The following TMEM39A variants were observed in gnomAD, a reference collection of about 807,000 sequenced individuals.
The protein encoded by TMEM39A is transmembrane protein 39A.
TMEM39A carries 19 observed loss-of-function variants against 51.9 expected under a neutral mutation model. That is an observed-to-expected ratio of 0.37 (90% CI 0.26 to 0.54). The LOEUF is 0.54. Ranked by LOEUF, TMEM39A falls within the 20% of genes least tolerant of loss-of-function variation. TMEM39A has a pLI of 0.88. For synonymous variants in TMEM39A, 197 were observed against 220.2 expected (o/e 0.89, Z 0.93); for missense variants, 433 against 590.5 (o/e 0.73, Z 2.76).
At chr3:119,445,564 G>A (rs927536235) in intron 5 of TMEM39A, among the ~76,000 whole-genome samples, 4 of 152,096 alleles carry the variant, frequency 2.6e-5, no homozygotes, top group African/African-American at 7.2e-5. Context: ...CGCGCCCGGC[G>A]GGAATTTTAT....
At chr3:119,455,856 A>G (rs2081256963) in intron 3 of TMEM39A, among the ~76,000 whole-genome samples, 2 of 152,248 alleles carry the variant, frequency 1.3e-5, no homozygotes, top group Admixed American at 1.3e-4. Flanking sequence ...GAACTACCCA[A>G]GAAGCACTTA....
chr3:119,445,388 C>A (rs1215331676), intron 5 of TMEM39A, among the ~76,000 whole-genome samples: 1 of 152,148 alleles, frequency 6.6e-6, no homozygotes, highest in East Asian at 1.9e-4. Context: ...CCTCAGCCTC[C>A]CGAGTAACTG....
intron 2 of TMEM39A, among the ~76,000 whole-genome samples, chr3:119,460,884 T>C (rs915005830): frequency 6.6e-6 from 1 of 152,248 alleles, no homozygotes; most frequent in Non-Finnish European, 1.5e-5. Context: ...ACAACTTTTA[T>C]CTCAATACCT....
chr3:119,433,100 A>G, intron 8 of TMEM39A, among the ~76,000 whole-genome samples: 1 of 152,196 alleles, frequency 6.6e-6, no homozygotes, highest in South Asian at 2.1e-4. Context: ...AGAGTGCAGT[A>G]ACAGCAGTGA....
rs191557137 is a variant in TMEM39A at position 119,451,963 on chromosome 3, T to C, written c.420+484A>G. ...TCTGCTCACTAAACTTAGATTCTAA[T>C]CTTCAGATTAATCCTATACGAATTC... is the stretch of plus-strand genomic sequence containing the variant. On this transcript the variant is annotated intron_variant, in intron 4 of 8. Coordinates refer to ENST00000319172, the MANE Select transcript of TMEM39A (RefSeq NM_018266.3). Among the ~76,000 whole-genome samples, 284 of 152,220 alleles carry C rather than the reference T, an allele frequency of 1.9e-3. 1 individual carries two copies. Among genetic ancestry groups the C allele is most frequent in the South Asian group, 3.5e-3 (17 of 4,826 alleles).
intron 3 of TMEM39A, 23 bp from the exon 4 acceptor site, chr3:119,452,553 C>T (rs374406921): frequency 7.6e-6 from 12 of 1,586,928 alleles, no homozygotes; most frequent in Non-Finnish European, 4.3e-6. Flanking sequence ...TAAATAACTA[C>T]ATCAGAAAGA....
At chr3:119,462,999 A>G (rs2081360123) in intron 1 of TMEM39A, among the ~76,000 whole-genome samples, 1 of 152,150 alleles carries the variant, frequency 6.6e-6, no homozygotes, top group African/African-American at 2.4e-5. Context: ...CAAGGATGAC[A>G]CTGGAAAAAA....
chr3:119,436,002 A>AC (rs1160309641), intron 7 of TMEM39A: 1 of 1,170,128 alleles, frequency 8.5e-7, no homozygotes, highest in Non-Finnish European at 1.1e-6. Flanking sequence ...AGGGAAGGTC[A>AC]CCTCAATCTG....
intron 5 of TMEM39A, among the ~76,000 whole-genome samples, chr3:119,438,890 T>C (rs965661666): frequency 8.5e-5 from 13 of 152,172 alleles, no homozygotes; most frequent in African/African-American, 2.9e-4. Flanking sequence ...ATTTTTAACT[T>C]TGGGGGTAGT....
At chr3:119,458,285 G>T in intron 2 of TMEM39A, 45 bp from the exon 3 acceptor site, 2 of 1,545,312 alleles carry the variant, frequency 1.3e-6, no homozygotes. Context: ...ATAACCTCCA[G>T]TATCACAGAA....
intron 3 of TMEM39A, among the ~76,000 whole-genome samples, chr3:119,452,809 T>C (rs1483278232): frequency 6.6e-6 from 1 of 152,228 alleles, no homozygotes; most frequent in Non-Finnish European, 1.5e-5. Flanking sequence ...GATTGCAGCT[T>C]TGAGTTAACA....
intron 3 of TMEM39A, 72 bp from the exon 4 acceptor site, chr3:119,452,602 G>T: frequency 8.2e-7 from 1 of 1,213,328 alleles, no homozygotes; most frequent in Non-Finnish European, 1.2e-6. Context: ...TACAAGAATA[G>T]AGGTTTATCC....
chr3:119,451,347 T>A, intron 4 of TMEM39A: 1 of 1,201,492 alleles, frequency 8.3e-7, no homozygotes, highest in Non-Finnish European at 1.1e-6. Flanking sequence ...AAAAAGAAGT[T>A]GACTCTCAAT....
chr3:119,456,386 G>A (rs1275268371), intron 3 of TMEM39A, among the ~76,000 whole-genome samples: 2 of 152,134 alleles, frequency 1.3e-5, no homozygotes, highest in African/African-American at 4.8e-5. Flanking sequence ...TAGACAGGAG[G>A]TCAATATAGC....
At chr3:119,436,591 C>T (rs891152531) in intron 7 of TMEM39A, 200 bp downstream of exon 7, 13 of 522,058 alleles carry the variant, frequency 2.5e-5, no homozygotes, top group Admixed American at 6.5e-5. Flanking sequence ...AAAGGTAGAA[C>T]GCATTTAAGG....
chr3:119,461,102 C>T (rs1314777907), intron 2 of TMEM39A, among the ~76,000 whole-genome samples: 1 of 152,022 alleles, frequency 6.6e-6, no homozygotes, highest in African/African-American at 2.4e-5. Flanking sequence ...CAACGAACGG[C>T]AGAGTAAAAA....
At chr3:119,450,985 G>T (rs1239206416) in intron 4 of TMEM39A, among the ~76,000 whole-genome samples, 1 of 151,974 alleles carries the variant, frequency 6.6e-6, no homozygotes, top group South Asian at 2.1e-4. Flanking sequence ...CATACTAATT[G>T]GACATGTACA....
In TMEM39A at chr3:119,449,446, C is replaced by T. The variant is rs554794344; in HGVS notation, c.421-2274G>A. Among the ~76,000 whole-genome samples the T allele has an allele frequency of 3.3e-5, 5 of 151,964 alleles. No homozygotes were observed. In the East Asian group the frequency reaches 9.7e-4, roughly 29 times the overall value. ...AAAATTATCTGGGCATGGTGGTGGG[C>T]GCCTGTAATCCCAGCTACTTGGGAG... On this transcript the variant is annotated intron_variant, in intron 4 of 8. Coordinates refer to ENST00000319172, the MANE Select transcript of TMEM39A (RefSeq NM_018266.3).
At chr3:119,454,505 A>G (rs2081240244) in intron 3 of TMEM39A, among the ~76,000 whole-genome samples, 1 of 152,150 alleles carries the variant, frequency 6.6e-6, no homozygotes, top group African/African-American at 2.4e-5. Flanking sequence ...AAAAATCAAA[A>G]TATTGGCCGG....
Sources: allele counts gnomAD v4.1 joint callset (sites outside exome capture counted in the v4.1 genomes callset), GRCh38; gene constraint gnomAD v4.1.1; transcripts MANE v1.5; gene names NCBI Gene and HGNC (gene_info 2026-07-23, HGNC 2026-07-21).